The following MYT1L variants were observed in gnomAD, a reference collection of about 807,000 sequenced individuals.
The protein encoded by MYT1L is myelin transcription factor 1 like, also known as myelin transcription factor 1-like protein.
In MYT1L, 12 loss-of-function variants were observed where a neutral mutation model predicts 126.7. The ratio of observed to expected loss-of-function variants is 0.09; its 90% CI spans 0.06 to 0.15. The LOEUF is 0.15. Ranked by LOEUF, MYT1L falls within the 10% of genes least tolerant of loss-of-function variation. MYT1L has a pLI of 1.00. For synonymous variants in MYT1L, 541 were observed against 604.2 expected (o/e 0.90, Z 1.53); for missense variants, 979 against 1,585.2 (o/e 0.62, Z 6.49).
intron 18 of MYT1L, among the ~76,000 whole-genome samples, chr2:1,882,712 C>T (rs1283189287): frequency 6.6e-6 from 1 of 152,210 alleles, no homozygotes; most frequent in Non-Finnish European, 1.5e-5. Context: ...GACCTTCCTG[C>T]ACCCGAACAA....
intron 4 of MYT1L, among the ~76,000 whole-genome samples, chr2:2,003,283 G>A (rs147502448): frequency 1.3e-3 from 199 of 152,208 alleles, no homozygotes; most frequent in East Asian, 5.8e-4. Flanking sequence ...TCCACGTGAC[G>A]TTTCACATAA....
At chr2:1,901,469 G>A (rs1239701076) in intron 14 of MYT1L, among the ~76,000 whole-genome samples, 1 of 151,970 alleles carries the variant, frequency 6.6e-6, no homozygotes, top group Non-Finnish European at 1.5e-5. Flanking sequence ...CAAACCAACA[G>A]AACTATTTCT....
intron 2 of MYT1L, among the ~76,000 whole-genome samples, chr2:2,273,822 G>C (rs1302700722): frequency 1.3e-5 from 2 of 152,210 alleles, no homozygotes; most frequent in Non-Finnish European, 2.9e-5. Context: ...AGGTGAGGCA[G>C]TAATATAAAA....
At chr2:1,982,265 G>A (rs2149506238) in intron 5 of MYT1L, among the ~76,000 whole-genome samples, 1 of 152,280 alleles carries the variant, frequency 6.6e-6, no homozygotes, top group African/African-American at 2.4e-5. Flanking sequence ...CCTTGTCACA[G>A]GCCATTCACA....
chr2:1,841,825 G>C (rs1449993989), intron 19 of MYT1L: 1 of 152,222 alleles, frequency 6.6e-6, no homozygotes, highest in East Asian at 1.9e-4. Flanking sequence ...AGACAGTGAT[G>C]GGCTAGTGAC....
chr2:2,084,121 C>T (rs1227487226), intron 3 of MYT1L, among the ~76,000 whole-genome samples: 6 of 148,808 alleles, frequency 4.0e-5, no homozygotes, highest in Non-Finnish European at 8.9e-5. Context: ...ACTTCCTATA[C>T]TCATTTTAGT....
At chr2:1,971,710 G>A (rs1322390554) in intron 8 of MYT1L, among the ~76,000 whole-genome samples, 1 of 152,162 alleles carries the variant, frequency 6.6e-6, no homozygotes, top group African/African-American at 2.4e-5. Flanking sequence ...CAGCCTGGGC[G>A]ACAGAGCGAG....
chr2:2,037,681 G>A (rs1351885598), intron 4 of MYT1L, among the ~76,000 whole-genome samples: 2 of 151,648 alleles, frequency 1.3e-5, no homozygotes, highest in East Asian at 3.9e-4. Flanking sequence ...ACTTGAGCCC[G>A]GGAGGTGGAG....
At chr2:1,881,351 GGTTC>G (rs1228816783) in intron 18 of MYT1L, among the ~76,000 whole-genome samples, 3 of 133,040 alleles carry the variant, frequency 2.3e-5, no homozygotes, top group African/African-American at 8.9e-5. Context: ...TTGGTTTGCA[GGTTC>G]GTGTGTGTGT....
Position 1,910,347 on chromosome 2 carries a change from G to T in MYT1L, c.1710C>A (p.Ser570Arg). Residue 570 changes from serine (S) to arginine (R), a missense_variant and splice_region_variant, in exon 13 of 25, where the codon AGC becomes AGA. Around this residue, in one of 12 missense-constraint regions of MYT1L, gnomAD observed 82 missense variants for 177.2 expected, o/e 0.46. Coordinates refer to ENST00000647738, the MANE Select transcript of MYT1L (RefSeq NM_001303052.2). This position sits in a 1 kb window ranked among gnomAD's most constrained non-coding sequence, Gnocchi z 4.8. The stretch of plus-strand genomic sequence containing the variant: ...CTGCAGCGATCGGGCATCCGGAGAG[G>T]CTGCAATCACAGAAAGCGGGTTGAA... Reference protein sequence around the residue: ...HVNSNRNSHRSLSGCPIAAAE... With the variant: ...HVNSNRNSHRRLSGCPIAAAE... 6.2e-7 allele frequency: 1 copy of T among 1,610,716 alleles called. No individual in the cohort carries two copies.
rs1453639664 is a variant in MYT1L at position 1,801,421 on chromosome 2, G to A, written c.3276+275C>T. On this transcript the variant is annotated intron_variant, in intron 23 of 24. Coordinates refer to ENST00000647738, the MANE Select transcript of MYT1L (RefSeq NM_001303052.2). The surrounding 1 kb of genome is among the most constrained non-coding windows in gnomAD (Gnocchi z 4.2). ...AAACCTTCATTGTTTGCAGGAACAG[G>A]CGATCCTCTGAAAATGCCTATTCAC... The A allele has an allele frequency of 6.0e-6, 2 of 332,318 alleles. No homozygotes were observed. Among genetic ancestry groups the A allele is most frequent in the East Asian group, 5.2e-5 (1 of 19,054 alleles). The allele number at this position is 332,318 out of a possible 1,614,324, so 20.6% of individuals were successfully genotyped here. A position where few individuals can be genotyped will look rare whatever the true frequency, so the allele number is the denominator to read the frequency against.
intron 4 of MYT1L, among the ~76,000 whole-genome samples, chr2:2,021,903 CAAAAAAA>C (rs762653377): frequency 6.8e-6 from 1 of 147,228 alleles, no homozygotes. Context: ...TCTCAAAAAA[CAAAAAAA>C]AAAGTGTAAG....
intron 23 of MYT1L, among the ~76,000 whole-genome samples, chr2:1,797,170 C>T (rs1227015055): frequency 2.6e-5 from 4 of 152,136 alleles, no homozygotes; most frequent in African/African-American, 9.7e-5. Flanking sequence ...ACGCAGACCC[C>T]ACAGGCACCT....
At chr2:2,208,075 T>A (rs1189008267) in intron 2 of MYT1L, among the ~76,000 whole-genome samples, 1 of 152,108 alleles carries the variant, frequency 6.6e-6, no homozygotes, top group Non-Finnish European at 1.5e-5. Context: ...CTGCAGTGAC[T>A]CAGGTGCACT....
At position 2,059,518 on chromosome 2, in the gene MYT1L, C is replaced by T. The variant is rs2070108188; in HGVS notation, c.-303-5395G>A. ...CAGTGCTGGCGGCACTTCATCCCCACTGAGGGTGGACATGCATGCAGTGAG... is the reference window on the plus strand; with the variant it reads ...CAGTGCTGGCGGCACTTCATCCCCATTGAGGGTGGACATGCATGCAGTGAG... On this transcript the variant is annotated intron_variant, in intron 3 of 24. Transcript: ENST00000647738. The surrounding 1 kb of genome is among the most constrained non-coding windows in gnomAD (Gnocchi z 4.7). Among the ~76,000 whole-genome samples, 1 of 152,216 alleles carries T rather than the reference C, an allele frequency of 6.6e-6. No homozygotes were observed. Among genetic ancestry groups the T allele is most frequent in the Non-Finnish European group, 1.5e-5 (1 of 68,036 alleles).
chr2:1,985,296 A>AG (rs1255978678), intron 5 of MYT1L, among the ~76,000 whole-genome samples: 6 of 152,352 alleles, frequency 3.9e-5, no homozygotes, highest in Non-Finnish European at 8.8e-5. Flanking sequence ...AGCCTCTGTG[A>AG]GGGGTAAGGA....
intron 2 of MYT1L, among the ~76,000 whole-genome samples, chr2:2,262,421 G>C (rs978835538): frequency 6.6e-6 from 1 of 151,574 alleles, no homozygotes; most frequent in African/African-American, 2.4e-5. Flanking sequence ...GGCAGGGCGC[G>C]GTGGCTCACG....
chr2:2,154,154 T>C (rs2086313738), intron 3 of MYT1L, among the ~76,000 whole-genome samples: 1 of 152,192 alleles, frequency 6.6e-6, no homozygotes, highest in African/African-American at 2.4e-5. Context: ...TCTCTACTCC[T>C]GTTTGCACTG....
intron 1 of MYT1L, among the ~76,000 whole-genome samples, chr2:2,314,139 C>A (rs1441331774): frequency 1.3e-5 from 2 of 152,088 alleles, no homozygotes; most frequent in Non-Finnish European, 2.9e-5. Context: ...CTCCACCAAC[C>A]AATAAACTTC....
Sources: gnomAD v4.1 joint callset for allele counts (sites outside exome capture counted in the v4.1 genomes callset) on GRCh38, gnomAD v4.1.1 for gene constraint, gnomAD v4.1.1 regional missense constraint, Gnocchi (gnomAD v3.1) non-coding constraint, MANE v1.5 for transcripts, NCBI Gene and HGNC (gene_info 2026-07-23, HGNC 2026-07-21) for gene names.